TAF2: variants seen among roughly 807,000 people sequenced by gnomAD.
TAF2 encodes the protein transcription initiation factor TFIID subunit 2.
Under a neutral mutation model 138.5 loss-of-function variants are expected in TAF2, and 61 were observed. The observed-to-expected ratio is 0.44, with a 90% CI of 0.36 to 0.54. The LOEUF is 0.54. TAF2 is among the 20% of genes least tolerant of loss of function. The pLI, the probability that TAF2 is intolerant of heterozygous loss-of-function variation, is 0.00. For missense variants in TAF2, 1,090 were observed against 1,427.9 expected, an observed-to-expected ratio of 0.76 and a Z score of 3.81; for synonymous variants, 475 against 469.9, an observed-to-expected ratio of 1.01 and a Z score of -0.14.
intron 22 of TAF2, among the ~76,000 whole-genome samples, chr8:119,748,972 G>A (rs1433908641): frequency 6.6e-6 from 1 of 151,824 alleles, no homozygotes; most frequent in Non-Finnish European, 1.5e-5. Context: ...TTTGCTGTTT[G>A]GAAGAAAACT....
At chr8:119,755,969 G>A in intron 22 of TAF2, 37 bp downstream of exon 22, 1 of 1,439,958 alleles carries the variant, frequency 6.9e-7, no homozygotes, top group African/African-American at 1.4e-5. Flanking sequence ...AAATACTCTA[G>A]TAATAATAAA....
chr8:119,775,126 C>CAAAAAAAAA, intron 18 of TAF2, among the ~76,000 whole-genome samples: 1 of 151,136 alleles, frequency 6.6e-6, no homozygotes, highest in South Asian at 2.1e-4. Flanking sequence ...TAAAAAAATA[C>CAAAAAAAAA]AAAAATTAGC....
At chr8:119,803,816 T>G (rs1233899590) in intron 5 of TAF2, 62 bp downstream of exon 5, 2 of 1,451,624 alleles carry the variant, frequency 1.4e-6, no homozygotes, top group Non-Finnish European at 1.9e-6. Context: ...ATGTATGTCT[T>G]GCTTATACAT....
rs963693077 is a variant in TAF2, at chr8:119,781,093, G to C, written c.2213C>G (p.Thr738Arg). 1 of 1,613,722 alleles carries C rather than the reference G, an allele frequency of 6.2e-7. No individual in the cohort carries two copies. Among genetic ancestry groups the C allele is most frequent in the African/African-American group, 1.3e-5 (1 of 74,912 alleles). Residue 738 changes from threonine (T) to arginine (R), a missense_variant, in exon 17 of 26, where the codon ACA becomes AGA. Physicochemically the swap from Thr to Arg is moderately conservative, Grantham distance 71 (BLOSUM62 -1). Around this residue, in one of 3 missense-constraint regions of TAF2, gnomAD observed 580 missense variants for 719.6 expected, o/e 0.81. Transcript: ENST00000378164. ...GCTTTGAAAGCTCATAAAGTTGTTT[G>C]TTTTCACAATGTTTGGACAACTTTT... ...CCKSCPNIVK[T>R]NNFMSFQSYF...
chr8:119,750,771 C>A (rs1226205904), intron 22 of TAF2, among the ~76,000 whole-genome samples: 1 of 152,176 alleles, frequency 6.6e-6, no homozygotes, highest in Non-Finnish European at 1.5e-5. Context: ...TCCTATCAAA[C>A]TGAATTAGAA....
chr8:119,782,938 T>A (rs1822768751), intron 16 of TAF2, among the ~76,000 whole-genome samples: 1 of 151,950 alleles, frequency 6.6e-6, no homozygotes, highest in African/African-American at 2.4e-5. Context: ...GGCTCAAGGG[T>A]TCGAGACCAG....
At chr8:119,752,628 T>G (rs1563829730) in intron 22 of TAF2, among the ~76,000 whole-genome samples, 1 of 152,194 alleles carries the variant, frequency 6.6e-6, no homozygotes, top group East Asian at 1.9e-4. Context: ...TCAAATTGAT[T>G]TCAGTTTTTC....
intron 3 of TAF2, among the ~76,000 whole-genome samples, chr8:119,811,972 G>GT (rs889237612): frequency 4.6e-5 from 7 of 150,850 alleles, no homozygotes; most frequent in East Asian, 3.9e-4. Context: ...CAACTTTTTT[G>GT]TTTTTTTTTA....
At chr8:119,757,337 T>C (rs991773034) in intron 21 of TAF2, among the ~76,000 whole-genome samples, 1 of 152,192 alleles carries the variant, frequency 6.6e-6, no homozygotes, top group Admixed American at 6.5e-5. Flanking sequence ...TAAATCTTTA[T>C]GGATATTTCA....
At chr8:119,771,202 C>T (rs1563853613) in intron 18 of TAF2, among the ~76,000 whole-genome samples, 1 of 152,052 alleles carries the variant, frequency 6.6e-6, no homozygotes, top group African/African-American at 2.4e-5. Flanking sequence ...AGATATACTA[C>T]GCAAATGAAA....
intron 18 of TAF2, among the ~76,000 whole-genome samples, chr8:119,773,141 T>A (rs1821969723): frequency 6.6e-6 from 1 of 150,682 alleles, no homozygotes; most frequent in East Asian, 1.9e-4. Context: ...TTTCCTTTTT[T>A]AAAAAGATAG....
intron 18 of TAF2, among the ~76,000 whole-genome samples, chr8:119,772,938 A>AAAG (rs1208477480): frequency 6.7e-6 from 1 of 148,974 alleles, no homozygotes; most frequent in Non-Finnish European, 1.5e-5. Flanking sequence ...ACTCCATCTC[A>AAAG]AATAATAATA....
Position 119,831,657 on chromosome 8 carries a change from A to G in TAF2, c.138+20T>C. On this transcript the variant is annotated intron_variant, in intron 2 of 25. Transcript: ENST00000378164. ...TATAGTGGACTTGTTACTATTTATA[A>G]TTGTTGAGAATAAACTTACCACAAC... 1 of 1,582,838 alleles carries G rather than the reference A, an allele frequency of 6.3e-7. No individual in the cohort carries two copies. The highest frequency in any genetic ancestry group is 1.1e-5 in the South Asian group (1 of 89,208).
At chr8:119,795,896 C>A (rs980625354) in intron 8 of TAF2, among the ~76,000 whole-genome samples, 1 of 152,064 alleles carries the variant, frequency 6.6e-6, no homozygotes, top group Non-Finnish European at 1.5e-5. Flanking sequence ...ACATGCTCTA[C>A]TCTGACAGTG....
chr8:119,789,585 AG>A lies in TAF2; in HGVS notation c.1568+6del, dbSNP rs753220325. ...CCACTCTGTTGAACTGCTATTGAAA[AG>A]GATACACCCACTGCTTTATTAACGG... On this transcript the variant is annotated splice_donor_region_variant and intron_variant, in intron 12 of 25. Transcript: ENST00000378164. The A allele has an allele frequency of 1.9e-6, 3 of 1,613,156 alleles. No individual in the cohort carries two copies. Among genetic ancestry groups the A allele is most frequent in the Non-Finnish European group, 2.5e-6 (3 of 1,179,776 alleles).
Position 119,802,267 on chromosome 8 carries a change from A to G in TAF2, c.561-242T>C, listed in dbSNP as rs7814213. On this transcript the variant is annotated intron_variant, in intron 5 of 25. Coordinates refer to ENST00000378164, the MANE Select transcript of TAF2 (RefSeq NM_003184.4). ...GGTACCATCAGTTCAAACCCTAAAA[A>G]GAGTTAAGCAATTCTTAGCTTTCAG... Among the ~76,000 whole-genome samples, 1,378 of 152,358 alleles carry G rather than the reference A, an allele frequency of 9.0e-3. 20 individuals are homozygous for G. Among genetic ancestry groups the G allele is most frequent in the African/African-American group, 0.032 (1,314 of 41,572 alleles).
At chr8:119,738,061 T>C (rs906031807) in intron 25 of TAF2, among the ~76,000 whole-genome samples, 11 of 151,768 alleles carry the variant, frequency 7.2e-5, no homozygotes, top group Admixed American at 1.3e-4. Context: ...GCATACTATA[T>C]ACTATAATTG....
intron 16 of TAF2, 100 bp from the exon 17 acceptor site, chr8:119,781,293 G>C: frequency 3.0e-6 from 4 of 1,328,178 alleles, no homozygotes; most frequent in Non-Finnish European, 4.2e-6. Flanking sequence ...AACTGGATTG[G>C]GTTTTCAACA....
At chr8:119,807,220 C>T (rs1202181486) in intron 3 of TAF2, among the ~76,000 whole-genome samples, 1 of 152,172 alleles carries the variant, frequency 6.6e-6, no homozygotes, top group Non-Finnish European at 1.5e-5. Context: ...GAATTTTCAG[C>T]AGGCTCACCG....
Sources: allele counts gnomAD v4.1 joint callset (sites outside exome capture counted in the v4.1 genomes callset), GRCh38; gene constraint gnomAD v4.1.1; regional missense constraint gnomAD v4.1.1; transcripts MANE v1.5; gene names NCBI Gene and HGNC (gene_info 2026-07-23, HGNC 2026-07-21).